TTC7B: variants seen among roughly 807,000 people sequenced by gnomAD.
The protein encoded by TTC7B is tetratricopeptide repeat domain 7B, also known as tetratricopeptide repeat protein 7B.
TTC7B carries 28 observed loss-of-function variants against 106.8 expected under a neutral mutation model. The observed-to-expected ratio is 0.26, with a 90% CI of 0.19 to 0.36. TTC7B has a LOEUF of 0.36. Among genes scored for constraint, TTC7B ranks in the 10% least tolerant of loss-of-function variants. The probability of loss-of-function intolerance (pLI) is 1.00; values close to 1 mark genes in which losing one functional copy is unlikely to be tolerated. For synonymous variants in TTC7B, 405 were observed against 430.6 expected (o/e 0.94, Z 0.74); for missense variants, 862 against 1,076.4 (o/e 0.80, Z 2.79).
chr14:90,542,514 T>C (rs999532961), intron 19 of TTC7B, among the ~76,000 whole-genome samples: 3 of 152,216 alleles, frequency 2.0e-5, no homozygotes, highest in African/African-American at 7.2e-5. Context: ...TCTCACTTTC[T>C]CAACCTCTCC....
chr14:90,706,842 C>T (rs550354048), intron 5 of TTC7B, among the ~76,000 whole-genome samples: 3 of 152,170 alleles, frequency 2.0e-5, no homozygotes, highest in Admixed American at 2.0e-4. Flanking sequence ...GCTAATGGTT[C>T]GGTCACCTTA....
intron 19 of TTC7B, among the ~76,000 whole-genome samples, chr14:90,559,117 C>A (rs1342512016): frequency 6.6e-6 from 1 of 152,240 alleles, no homozygotes; most frequent in Non-Finnish European, 1.5e-5. Context: ...ACGGGCAGGG[C>A]ACAGTGATGT....
chr14:90,561,957 C>T (rs974225587), intron 19 of TTC7B, among the ~76,000 whole-genome samples: 10 of 152,218 alleles, frequency 6.6e-5, no homozygotes, highest in African/African-American at 1.9e-4. Context: ...TCATTTCCCT[C>T]CTGCTCCCCA....
intron 15 of TTC7B, among the ~76,000 whole-genome samples, chr14:90,639,553 T>C (rs1595233199): frequency 2.0e-5 from 3 of 152,330 alleles, no homozygotes; most frequent in East Asian, 1.9e-4. Context: ...TATTGGTGTA[T>C]GGAACCACAG....
At chr14:90,564,768 G>C (rs923093086) in intron 19 of TTC7B, among the ~76,000 whole-genome samples, 13 of 152,146 alleles carry the variant, frequency 8.5e-5, no homozygotes, top group African/African-American at 3.1e-4. Flanking sequence ...AAAATTAGCG[G>C]GTTGTGGTGA....
intron 9 of TTC7B, among the ~76,000 whole-genome samples, chr14:90,662,188 C>T (rs1255638196): frequency 1.3e-5 from 2 of 152,226 alleles, no homozygotes; most frequent in Admixed American, 6.5e-5. Context: ...ATGTGGCACA[C>T]GCGTGGCACG....
rs550916286 is a variant in TTC7B at position 90,546,430 on chromosome 14, G to A, written c.2311-4841C>T. On this transcript the variant is annotated intron_variant, in intron 19 of 19. Coordinates refer to ENST00000328459, the MANE Select transcript of TTC7B (RefSeq NM_001010854.2). ...TGGAGCTGTTGTCAGCACCAGCTGC[G>A]TCCAACCTTCCCTGGGTTCAGCCAG... is the stretch of plus-strand genomic sequence containing the variant. Among the ~76,000 whole-genome samples, 3 of 152,346 alleles carry A rather than the reference G, an allele frequency of 2.0e-5. No individual in the cohort carries two copies. The East Asian group carries it at 5.8e-4, about 29-fold the overall frequency.
chr14:90,628,318 T>C (rs1447822914), intron 15 of TTC7B, among the ~76,000 whole-genome samples: 2 of 152,218 alleles, frequency 1.3e-5, no homozygotes, highest in Non-Finnish European at 2.9e-5. Context: ...GGGAAGCAAG[T>C]CCCGGGCCTC....
At chr14:90,751,219 G>T (rs1595347785) in intron 3 of TTC7B, among the ~76,000 whole-genome samples, 1 of 152,196 alleles carries the variant, frequency 6.6e-6, no homozygotes, top group East Asian at 1.9e-4. Context: ...GAAATTCAGT[G>T]CTTTCTCACC....
intron 1 of TTC7B, among the ~76,000 whole-genome samples, chr14:90,798,108 G>A (rs1414858901): frequency 6.7e-6 from 1 of 150,132 alleles, no homozygotes; most frequent in Non-Finnish European, 1.5e-5. Flanking sequence ...CTCTGTGACC[G>A]CCACGAGAAC....
rs2030396321 is a variant in TTC7B, at chr14:90,803,359, C to A, written c.121+12816G>T. On this transcript the variant is annotated intron_variant, in intron 1 of 19. Transcript: ENST00000328459. ...CTCCATAAATATTTCTGGAATCAAC[C>A]AATCAATATATCTCCCCTTCACAGA... 2.0e-5 allele frequency among the ~76,000 whole-genome samples: 3 copies of A among 152,114 alleles called. No individual in the cohort carries two copies. The South Asian group carries it at 6.2e-4, about 32-fold the overall frequency.
rs1889219476 is a variant in TTC7B, at chr14:90,529,067, G to T, written c.*12301C>A. 1 of 154,644 alleles carries T rather than the reference G, an allele frequency of 6.5e-6. No individual in the cohort carries two copies. The highest frequency in any genetic ancestry group is 1.4e-5 in the Non-Finnish European group (1 of 70,466). 9.6% of individuals were successfully genotyped at this position (154,644 alleles called of 1,614,324 possible). A position where few individuals can be genotyped will look rare whatever the true frequency, so the allele number is the denominator to read the frequency against. On this transcript the variant is annotated 3_prime_UTR_variant, in exon 20 of 20. Transcript: ENST00000328459. The stretch of plus-strand genomic sequence containing the variant: ...ACTGCTTTGTTACCTGTTTCCAATG[G>T]TGTGACCTGACTGCGCTTTGTTACC...
intron 15 of TTC7B, among the ~76,000 whole-genome samples, chr14:90,636,760 A>G (rs1414652978): frequency 6.6e-6 from 1 of 152,014 alleles, no homozygotes; most frequent in African/African-American, 2.4e-5. Flanking sequence ...ATATTTGACA[A>G]TTGTAAAACA....
intron 3 of TTC7B, among the ~76,000 whole-genome samples, chr14:90,776,140 GACACACAC>G (rs370873395): frequency 1.8e-3 from 251 of 140,378 alleles, no homozygotes; most frequent in East Asian, 6.2e-3. Flanking sequence ...GGCCCCCCGT[GACACACAC>G]ACACACACAC....
rs891075960 is a variant in TTC7B at position 90,600,125 on chromosome 14, G to A, written c.1967-6499C>T. 2.6e-5 allele frequency among the ~76,000 whole-genome samples: 4 copies of A among 152,140 alleles called. No homozygotes were observed. Among genetic ancestry groups the A allele is most frequent in the African/African-American group, 9.7e-5 (4 of 41,416 alleles). ...CTGTCTCTTATTTCTTGAAGGGAGA[G>A]GAAGAGGCATGAGTGTCCACTCCCA... is the stretch of plus-strand genomic sequence containing the variant. On this transcript the variant is annotated intron_variant, in intron 17 of 19. Transcript: ENST00000328459. This position sits in a 1 kb window ranked among gnomAD's most constrained non-coding sequence, Gnocchi z 4.3.
chr14:90,606,615 G>T (rs1892650377), intron 17 of TTC7B, among the ~76,000 whole-genome samples: 3 of 152,172 alleles, frequency 2.0e-5, no homozygotes. Context: ...CTCTATTTGA[G>T]TCCTCTTTCA....
chr14:90,541,160 C>A lies in TTC7B; in HGVS notation c.*208G>T, dbSNP rs1236650082. Reference sequence around the variant, plus strand: ...TGAACAATGTCAATAGGTTCAGAAACTACCATTGGGCTGGCAAAAAAAACA... The same window carrying A: ...TGAACAATGTCAATAGGTTCAGAAAATACCATTGGGCTGGCAAAAAAAACA... On this transcript the variant is annotated 3_prime_UTR_variant, in exon 20 of 20. Coordinates refer to ENST00000328459, the MANE Select transcript of TTC7B (RefSeq NM_001010854.2). 6.2e-6 allele frequency: 3 copies of A among 485,130 alleles called. No homozygotes were observed. Among genetic ancestry groups the A allele is most frequent in the East Asian group, 5.9e-5 (2 of 33,620 alleles). The allele number at this position is 485,130 out of a possible 1,614,324, so 30.1% of individuals were successfully genotyped here. A position where few individuals can be genotyped will look rare whatever the true frequency, so the allele number is the denominator to read the frequency against.
chr14:90,788,825 T>C (rs1891480200), intron 1 of TTC7B, among the ~76,000 whole-genome samples: 1 of 151,984 alleles, frequency 6.6e-6, no homozygotes, highest in Non-Finnish European at 1.5e-5. Context: ...TAGCTGTGCA[T>C]GGTGGTGTGC....
intron 19 of TTC7B, among the ~76,000 whole-genome samples, chr14:90,576,661 T>C (rs1354352894): frequency 1.3e-5 from 2 of 152,190 alleles, no homozygotes; most frequent in Admixed American, 6.5e-5. Context: ...AAGTCCGAGC[T>C]TCCCCAGGAG....
Sources: gnomAD v4.1 joint callset for allele counts (sites outside exome capture counted in the v4.1 genomes callset) on GRCh38, gnomAD v4.1.1 for gene constraint, Gnocchi (gnomAD v3.1) non-coding constraint, MANE v1.5 for transcripts, NCBI Gene and HGNC (gene_info 2026-07-23, HGNC 2026-07-21) for gene names.